PCDHGA7: variants seen among roughly 807,000 people sequenced by gnomAD.
PCDHGA7 encodes the protein protocadherin gamma-A7.
A neutral mutation model predicts 58.3 loss-of-function variants in PCDHGA7; 44 were observed. The observed-to-expected ratio is 0.75, with a 90% CI of 0.59 to 0.97. PCDHGA7 has a LOEUF of 0.97. Among genes scored for constraint, PCDHGA7 ranks in the 50% least tolerant of loss-of-function variants. The pLI is 0.00. For synonymous variants in PCDHGA7, 516 were observed against 504.2 expected, an observed-to-expected ratio of 1.02 and a Z score of -0.31; for missense variants, 1,266 against 1,188.7, an observed-to-expected ratio of 1.06 and a Z score of -0.96.
chr5:141,480,607 C>T (rs2099522175), intron 1 of PCDHGA7, among the ~76,000 whole-genome samples: 1 of 145,670 alleles, frequency 6.9e-6, no homozygotes, highest in Admixed American at 6.8e-5. Context: ...GCCTGGAAAG[C>T]AACTGGCATT....
rs768559201 is a variant in PCDHGA7, at chr5:141,431,344, G to A, written c.2424+46021G>A. Reference sequence around the variant, plus strand: ...ACGGTAGTAAGTACCCCGAATTGGTGCTGAAACGCGCCCTGGACCGCGAAG... The same window carrying A: ...ACGGTAGTAAGTACCCCGAATTGGTACTGAAACGCGCCCTGGACCGCGAAG... On this transcript the variant is annotated intron_variant, in intron 1 of 3. Coordinates refer to ENST00000518325, the MANE Select transcript of PCDHGA7 (RefSeq NM_018920.4). The surrounding 1 kb of genome is among the most constrained non-coding windows in gnomAD (Gnocchi z 4.8). 3.9e-5 allele frequency: 63 copies of A among 1,614,078 alleles called. No homozygotes were observed. Among genetic ancestry groups the A allele is most frequent in the Non-Finnish European group, 5.0e-5 (59 of 1,180,044 alleles).
chr5:141,419,939 G>C, intron 1 of PCDHGA7: 6 of 1,614,054 alleles, frequency 3.7e-6, no homozygotes, highest in Admixed American at 1.7e-5. Flanking sequence ...TTACCTGGTG[G>C]TGGCCTTGGC....
At chr5:141,390,754 T>C (rs2092225927) in intron 1 of PCDHGA7, 1 of 168,266 alleles carries the variant, frequency 5.9e-6, no homozygotes, top group East Asian at 1.8e-4. Context: ...AGTCCACTGT[T>C]TTGTTTCCTG....
intron 1 of PCDHGA7, among the ~76,000 whole-genome samples, chr5:141,434,259 G>A (rs1452016594): frequency 6.6e-6 from 1 of 152,230 alleles, no homozygotes; most frequent in Non-Finnish European, 1.5e-5. Flanking sequence ...CATTGTGGGG[G>A]AGGTGGAAAT....
rs1460703461 is a variant in PCDHGA7 at position 141,490,596 on chromosome 5, C to G, written c.2425-4211C>G. 2.5e-6 allele frequency: 4 copies of G among 1,614,052 alleles called. No homozygotes were observed. The African/African-American group carries it at 4.0e-5, about 16-fold the overall frequency. On this transcript the variant is annotated intron_variant, in intron 1 of 3. Transcript: ENST00000518325. The surrounding 1 kb of genome is among the most constrained non-coding windows in gnomAD (Gnocchi z 5.4). Reference sequence around the variant, plus strand: ...TTTCAGATGTCAATGACAATGCACCCCGCTTCAACCAGCAGCTTTACACTG... The same window carrying G: ...TTTCAGATGTCAATGACAATGCACCGCGCTTCAACCAGCAGCTTTACACTG...
At chr5:141,403,585 C>A in intron 1 of PCDHGA7, 1 of 1,613,894 alleles carries the variant, frequency 6.2e-7, no homozygotes, top group South Asian at 1.1e-5. Context: ...ACCACCTGGT[C>A]CTCACGGCCT....
intron 1 of PCDHGA7, chr5:141,414,732 T>G: frequency 6.2e-7 from 1 of 1,614,186 alleles, no homozygotes; most frequent in Non-Finnish European, 8.5e-7. Context: ...GCGTCCTGTA[T>G]GCACTCAGAT....
At chr5:141,448,887 G>T (rs1160586933) in intron 1 of PCDHGA7, among the ~76,000 whole-genome samples, 1 of 152,172 alleles carries the variant, frequency 6.6e-6, no homozygotes, top group East Asian at 1.9e-4. Flanking sequence ...GGAGCTTGCA[G>T]TGAGCCGAGA....
At chr5:141,398,709 G>A (rs1202607096) in intron 1 of PCDHGA7, 1 of 1,613,714 alleles carries the variant, frequency 6.2e-7, no homozygotes, top group Non-Finnish European at 8.5e-7. Context: ...ACCCGGAACT[G>A]GCACTGGAGA....
At chr5:141,478,305 C>G in intron 1 of PCDHGA7, 1 of 1,614,092 alleles carries the variant, frequency 6.2e-7, no homozygotes, top group Non-Finnish European at 8.5e-7. Context: ...TACCGAGCCC[C>G]GGTGAGCTCA....
chr5:141,457,079 C>T (rs114054058), intron 1 of PCDHGA7, among the ~76,000 whole-genome samples: 2,973 of 152,194 alleles, frequency 0.02, 43 homozygotes, highest in African/African-American at 0.029. Flanking sequence ...AACTATTATC[C>T]CTGCTATAAG....
intron 1 of PCDHGA7, chr5:141,419,448 TC>T: frequency 6.2e-7 from 1 of 1,612,980 alleles, no homozygotes; most frequent in Non-Finnish European, 8.5e-7. Context: ...ACCTTCGAGC[TC>T]ACGCTGCAGG....
At chr5:141,386,815 T>G (rs1043016890) in intron 1 of PCDHGA7, among the ~76,000 whole-genome samples, 22 of 152,220 alleles carry the variant, frequency 1.4e-4, no homozygotes, top group African/African-American at 4.8e-4. Context: ...TGCATAAAAT[T>G]GTTTTTAAGC....
At chr5:141,450,293 G>A (rs879439714) in intron 1 of PCDHGA7, among the ~76,000 whole-genome samples, 6 of 151,746 alleles carry the variant, frequency 4.0e-5, no homozygotes, top group Non-Finnish European at 7.4e-5. Flanking sequence ...GATTACAGGC[G>A]TGAGCCACCA....
chr5:141,506,516 G>A (rs2099854579), intron 3 of PCDHGA7, among the ~76,000 whole-genome samples: 1 of 151,324 alleles, frequency 6.6e-6, no homozygotes, highest in Non-Finnish European at 1.5e-5. Flanking sequence ...CTGGCACCTG[G>A]CACCACCACT....
chr5:141,393,735 G>T, intron 1 of PCDHGA7: 1 of 1,613,858 alleles, frequency 6.2e-7, no homozygotes, highest in Non-Finnish European at 8.5e-7. Context: ...AAAAAGTCTA[G>T]ATTATGAAGA....
chr5:141,454,796 ATTTTTTTTTTTTTTTTTT>A (rs61612330), intron 1 of PCDHGA7, among the ~76,000 whole-genome samples: 1 of 77,408 alleles, frequency 1.3e-5, no homozygotes, highest in Non-Finnish European at 2.3e-5. Flanking sequence ...CATGGTTCTA[ATTTTTTTTTTTTTTTTTT>A]TTTTTTTTTT....
chr5:141,476,412 G>T lies in PCDHGA7; in HGVS notation c.2425-18395G>T. The T allele has an allele frequency of 1.2e-6, 2 of 1,614,140 alleles. No homozygotes were observed. Among genetic ancestry groups the T allele is most frequent in the Non-Finnish European group, 1.7e-6 (2 of 1,180,010 alleles). On this transcript the variant is annotated intron_variant, in intron 1 of 3. Coordinates refer to ENST00000518325, the MANE Select transcript of PCDHGA7 (RefSeq NM_018920.4). The surrounding 1 kb of genome is among the most constrained non-coding windows in gnomAD (Gnocchi z 7.6). ...CGTCTGGATCGAGAGGAGCTGTGTGGGACACTGCCCTCTTGCACTGTAACT... is the reference window on the plus strand; with the variant it reads ...CGTCTGGATCGAGAGGAGCTGTGTGTGACACTGCCCTCTTGCACTGTAACT...
Position 141,409,090 on chromosome 5 carries a change from G to C in PCDHGA7, c.2424+23767G>C, listed in dbSNP as rs181368417. 9.9e-5 allele frequency: 159 copies of C among 1,614,024 alleles called. No individual in the cohort carries two copies. The African/African-American group carries it at 1.9e-3, about 19-fold the overall frequency. On this transcript the variant is annotated intron_variant, in intron 1 of 3. Transcript: ENST00000518325. ...CAAAACATATGTTCTCATTGGATGA[G>C]AAAACAGGTATGATTAAGAATAACC...
Sources: gnomAD v4.1 joint callset for allele counts (sites outside exome capture counted in the v4.1 genomes callset) on GRCh38, gnomAD v4.1.1 for gene constraint, Gnocchi (gnomAD v3.1) non-coding constraint, MANE v1.5 for transcripts, NCBI Gene and HGNC (gene_info 2026-07-23, HGNC 2026-07-21) for gene names.